Variants in TREML2 observed in about 807,000 individuals in gnomAD.
The protein encoded by TREML2 is trem-like transcript 2 protein.
TREML2 carries 24 observed loss-of-function variants against 25.9 expected under a neutral mutation model. The ratio of observed to expected loss-of-function variants is 0.93; its 90% CI spans 0.67 to 1.30. The LOEUF (loss-of-function observed/expected upper bound fraction) is 1.30. TREML2 is among the 50% of genes most tolerant of loss of function. TREML2 has a pLI of 0.00. For synonymous variants in TREML2, 139 were observed against 155.2 expected (o/e 0.90, Z 0.77); for missense variants, 359 against 395.6 (o/e 0.91, Z 0.78).
Position 41,192,414 on chromosome 6 carries a change from T to A in TREML2, c.*13A>T. Reference sequence around the variant, plus strand: ...ACTCTGGGAGAAGCTCCCCACCCCATGCTTAAGTGGCCTCAGATCAAGTAG... The same window carrying A: ...ACTCTGGGAGAAGCTCCCCACCCCAAGCTTAAGTGGCCTCAGATCAAGTAG... On this transcript the variant is annotated 3_prime_UTR_variant, in exon 5 of 5. Coordinates refer to ENST00000483722, the MANE Select transcript of TREML2 (RefSeq NM_024807.4). The A allele has an allele frequency of 6.2e-7, 1 of 1,612,366 alleles. No individual in the cohort carries two copies. Among genetic ancestry groups the A allele is most frequent in the South Asian group, 1.1e-5 (1 of 90,906 alleles).
In TREML2 at chr6:41,192,800, C is replaced by G; in HGVS notation, c.886+1G>C. The G allele has an allele frequency of 6.2e-7, 1 of 1,611,504 alleles. No individual in the cohort carries two copies. Among genetic ancestry groups the G allele is most frequent in the Non-Finnish European group, 8.5e-7 (1 of 1,178,388 alleles). On this transcript the variant is annotated splice_donor_variant, in intron 4 of 4. Transcript: ENST00000483722. LOFTEE classifies it high-confidence loss of function. ...GAGGCTGGGAGGTGGGCTCTACTCA[C>G]TTGCCATGTGTCTCTTCTTCCAAAA...
At chr6:41,196,526 C>G (rs1437065351) in intron 2 of TREML2, among the ~76,000 whole-genome samples, 2 of 152,146 alleles carry the variant, frequency 1.3e-5, no homozygotes, top group Non-Finnish European at 2.9e-5. Context: ...GCTTTTAGAT[C>G]TTGATATTTT....
In TREML2 at chr6:41,199,820, T is replaced by G. The variant is rs2395753; in HGVS notation, c.55+1134A>C. On this transcript the variant is annotated intron_variant, in intron 1 of 4. Coordinates refer to ENST00000483722, the MANE Select transcript of TREML2 (RefSeq NM_024807.4). ...TGTTTCTACCACTTAGTGGTGTGAT[T>G]AGGTCACCTGTTTGATACAGAAATA... 5.0e-3 allele frequency among the ~76,000 whole-genome samples: 755 copies of G among 152,272 alleles called. 9 individuals are homozygous for G. The highest frequency in any genetic ancestry group is 0.017 in the African/African-American group (722 of 41,530).
intron 3 of TREML2, 100 bp from the exon 4 acceptor site, chr6:41,193,001 C>A: frequency 1.0e-6 from 1 of 967,242 alleles, no homozygotes; most frequent in South Asian, 1.7e-5. Flanking sequence ...AGAGCGTGCC[C>A]TTCCCGGGGT....
In TREML2 at chr6:41,194,429, T is replaced by C; in HGVS notation, c.781A>G (p.Ile261Val). 6.4e-7 allele frequency: 1 copy of C among 1,561,568 alleles called. No homozygotes were observed. Among genetic ancestry groups the C allele is most frequent in the Non-Finnish European group, 8.7e-7 (1 of 1,151,502 alleles). The change falls in exon 3 of 5, where the codon ATC (isoleucine) becomes GTC (valine). Residue 261 changes from isoleucine to valine, a missense_variant. Transcript: ENST00000483722. The stretch of plus-strand genomic sequence containing the variant: ...AACCCCAGGCCCCACAGGTACCTGA[T>C]GGAGGGCATGGAGGGTAGTCTGTTG... ...LLNRLPSMPS[I>V]RHQDVYSTVL...
chr6:41,196,728 C>G (rs1766173254), intron 2 of TREML2, among the ~76,000 whole-genome samples: 1 of 152,146 alleles, frequency 6.6e-6, no homozygotes, highest in African/African-American at 2.4e-5. Flanking sequence ...CCTAAGCAAC[C>G]ACTAATCTAC....
At chr6:41,192,684 G>T in intron 4 of TREML2, 117 bp downstream of exon 4, 9 of 1,169,148 alleles carry the variant, frequency 7.7e-6, no homozygotes, top group Non-Finnish European at 9.9e-6. Flanking sequence ...AAGCGTCATA[G>T]TCCTTTTGAC....
At chr6:41,192,996 G>T in intron 3 of TREML2, 95 bp from the exon 4 acceptor site, 2 of 1,034,692 alleles carry the variant, frequency 1.9e-6, no homozygotes, top group Non-Finnish European at 2.8e-6. Flanking sequence ...CCCTGAGAGC[G>T]TGCCCTTCCC....
intron 1 of TREML2, among the ~76,000 whole-genome samples, chr6:41,198,902 G>C (rs1258448244): frequency 4.6e-5 from 7 of 152,174 alleles, no homozygotes; most frequent in Non-Finnish European, 1.0e-4. Context: ...TCGCTCTGTT[G>C]CCCAGGCTGG....
rs1203721820 is a variant in TREML2 at position 41,198,378 on chromosome 6, G to A, written c.107C>T (p.Thr36Ile). The change falls in exon 2 of 5, where the codon ACT becomes ATT. Residue 36 changes from threonine (T) to isoleucine (I), a missense_variant. Coordinates refer to ENST00000483722, the MANE Select transcript of TREML2 (RefSeq NM_024807.4). ...CTTATAGGAGCACTGCACAGACAGA[G>A]TCTCCCCTTCAAGGAGCCTCACTTT... ...YTKVRLLEGE[T>I]LSVQCSYKGY... 6.2e-7 allele frequency: 1 copy of A among 1,614,194 alleles called. No homozygotes were observed. The highest frequency in any genetic ancestry group is 2.2e-5 in the East Asian group (1 of 44,890).
Position 41,194,750 on chromosome 6 carries a change from T to C in TREML2, c.460A>G (p.Thr154Ala). The change falls in exon 3 of 5, where the codon ACC becomes GCC. Residue 154 changes from threonine to alanine, a missense_variant. Coordinates refer to ENST00000483722, the MANE Select transcript of TREML2 (RefSeq NM_024807.4). ...GTAAAAGGGGCATCAGGGCCTGAGG[T>C]AGGGGCTTGGCCAGTTGTGACAGTT... ...SGTVTTGQAP[T>A]SGPDAPFTTG... 1 of 1,613,658 alleles carries C rather than the reference T, an allele frequency of 6.2e-7. No homozygotes were observed. The highest frequency in any genetic ancestry group is 8.5e-7 in the Non-Finnish European group (1 of 1,179,794).
At position 41,198,256 on chromosome 6, in the gene TREML2, A is replaced by G; in HGVS notation, c.229T>C (p.Tyr77His). ...FARVWVKGPR[Y>H]LLQDDAQAKV... ...GCCTGGGCATCGTCCTGCAGCAAGT[A>G]GCGGGGCCCTTTCACCCAGACTCGG... Residue 77 changes from tyrosine to histidine, a missense_variant, in exon 2 of 5, where the codon TAC (tyrosine) becomes CAC (histidine). Physicochemically the swap from Tyr to His is moderately conservative, Grantham distance 83. Transcript: ENST00000483722. The G allele has an allele frequency of 6.2e-7, 1 of 1,614,238 alleles. No individual in the cohort carries two copies. Among genetic ancestry groups the G allele is most frequent in the South Asian group, 1.1e-5 (1 of 91,088 alleles).
chr6:41,195,476 T>G (rs1766144778), intron 2 of TREML2, among the ~76,000 whole-genome samples: 1 of 152,178 alleles, frequency 6.6e-6, no homozygotes, highest in Non-Finnish European at 1.5e-5. Context: ...TATCTCAGCA[T>G]GGAATGTGAA....
Position 41,192,839 on chromosome 6 carries a change from A to G in TREML2, c.848T>C (p.Ile283Thr), listed in dbSNP as rs1280953227. ...VVLTLLVLML[I>T]MVYGFWKKRH... ...CTTCTTCCAAAACCCATAGACCATG[A>G]TCAGCATCAGCACCAGGAGGGTCAG... Residue 283 changes from isoleucine (I) to threonine (T), a missense_variant, in exon 4 of 5, where the codon ATC becomes ACC. Ile to Thr is a moderately conservative substitution (Grantham distance 89). Coordinates refer to ENST00000483722, the MANE Select transcript of TREML2 (RefSeq NM_024807.4). 1 of 1,611,286 alleles carries G rather than the reference A, an allele frequency of 6.2e-7. No individual in the cohort carries two copies. The highest frequency in any genetic ancestry group is 8.5e-7 in the Non-Finnish European group (1 of 1,178,494).
Position 41,192,226 on chromosome 6 carries a change from C to T in TREML2, c.*201G>A. On this transcript the variant is annotated 3_prime_UTR_variant, in exon 5 of 5. Coordinates refer to ENST00000483722, the MANE Select transcript of TREML2 (RefSeq NM_024807.4). ...GATGCCCTTTGCTCTGGGCCCCTCC[C>T]CAGGTTCCTGCCCCCAAGGAGAACA... 1.7e-6 allele frequency: 1 copy of T among 589,614 alleles called. No individual in the cohort carries two copies. The highest frequency in any genetic ancestry group is 3.0e-6 in the Non-Finnish European group (1 of 328,246). 36.5% of individuals were successfully genotyped at this position (589,614 alleles called of 1,614,324 possible).
Position 41,191,270 on chromosome 6 carries a change from C to G in TREML2, c.*1157G>C, listed in dbSNP as rs1275960722. 6.6e-6 allele frequency: 1 copy of G among 152,216 alleles called. No homozygotes were observed. The allele number at this position is 152,216 out of a possible 1,614,324, so 9.4% of individuals were successfully genotyped here. ...CCAGCCTTCATTGCTGGACGCCAAG[C>G]CAGTGCTCTGGACAATAGAGGCTGA... On this transcript the variant is annotated 3_prime_UTR_variant, in exon 5 of 5. Transcript: ENST00000483722.
At chr6:41,197,911 T>G (rs2113908080) in intron 2 of TREML2, among the ~76,000 whole-genome samples, 198 bp downstream of exon 2, 1 of 152,356 alleles carries the variant, frequency 6.6e-6, no homozygotes, top group East Asian at 1.9e-4. Flanking sequence ...AGAGTCACAC[T>G]GGGTTTTCAG....
At chr6:41,197,982 A>C in intron 2 of TREML2, 127 bp downstream of exon 2, 1 of 936,326 alleles carries the variant, frequency 1.1e-6, no homozygotes. Flanking sequence ...CCATAAAGGC[A>C]CTCTGAAAAC....
At chr6:41,199,523 G>A (rs1766238204) in intron 1 of TREML2, among the ~76,000 whole-genome samples, 1 of 152,176 alleles carries the variant, frequency 6.6e-6, no homozygotes, top group African/African-American at 2.4e-5. Flanking sequence ...TTCTCTCTAT[G>A]CTGAGGAGTA....
Sources: gnomAD v4.1 joint callset for allele counts (sites outside exome capture counted in the v4.1 genomes callset) on GRCh38, gnomAD v4.1.1 for gene constraint, MANE v1.5 for transcripts, NCBI Gene and HGNC (gene_info 2026-07-23, HGNC 2026-07-21) for gene names.